Variants in NCOA2 observed in about 807,000 individuals in gnomAD.
NCOA2 encodes the protein nuclear receptor coactivator 2, also known as class E basic helix-loop-helix protein 75.
NCOA2 carries 21 observed loss-of-function variants against 145.1 expected under a neutral mutation model. The observed-to-expected ratio is 0.14, with a 90% CI of 0.10 to 0.21. The LOEUF is 0.21. NCOA2 is among the 10% of genes least tolerant of loss of function. The pLI, the probability that NCOA2 is intolerant of heterozygous loss-of-function variation, is 1.00. For missense variants in NCOA2, 1,472 were observed against 1,837.6 expected, an observed-to-expected ratio of 0.80 and a Z score of 3.64; for synonymous variants, 619 against 637.5, an observed-to-expected ratio of 0.97 and a Z score of 0.44.
At chr8:70,342,533 A>G (rs1044335227) in intron 1 of NCOA2, among the ~76,000 whole-genome samples, 1 of 152,050 alleles carries the variant, frequency 6.6e-6, no homozygotes, top group African/African-American at 2.4e-5. Context: ...TAAATACTTC[A>G]GCTTCCTTCT....
At chr8:70,279,576 G>A (rs1296839606) in intron 2 of NCOA2, among the ~76,000 whole-genome samples, 1 of 152,184 alleles carries the variant, frequency 6.6e-6, no homozygotes, top group Non-Finnish European at 1.5e-5. Flanking sequence ...CAGGTCACAT[G>A]GTTCATGATG....
At chr8:70,431,608 T>A in the NCOA2 span, among the ~76,000 whole-genome samples, 1 of 152,242 alleles carries the variant, frequency 6.6e-6, no homozygotes, top group African/African-American at 2.4e-5. Context: ...CACACTCTCA[T>A]AAAACAAATT....
At chr8:70,406,222 C>T (rs1398401516), upstream of NCOA2, among the ~76,000 whole-genome samples, 1 of 152,176 alleles carries the variant, frequency 6.6e-6, no homozygotes, top group Non-Finnish European at 1.5e-5. Context: ...CTATTCCGAT[C>T]CTCATGTCCT....
At chr8:70,434,110 A>T in the NCOA2 span, among the ~76,000 whole-genome samples, 1 of 152,364 alleles carries the variant, frequency 6.6e-6, no homozygotes, top group East Asian at 1.9e-4. Context: ...ACCAGGGAAG[A>T]TTAAAAGAGA....
chr8:70,266,099 G>A (rs1186946538), intron 2 of NCOA2, among the ~76,000 whole-genome samples: 2 of 152,184 alleles, frequency 1.3e-5, no homozygotes, highest in Non-Finnish European at 2.9e-5. Context: ...GCAGTGAGCC[G>A]AAATCGCGCT....
intron 2 of NCOA2, chr8:70,273,504 C>T: frequency 1.5e-6 from 1 of 667,044 alleles, no homozygotes; most frequent in Non-Finnish European, 2.6e-6. Context: ...CGTCAGTTCT[C>T]CTTAAAGAAG....
At chr8:70,242,990 G>A (rs1475297393) in intron 2 of NCOA2, among the ~76,000 whole-genome samples, 3 of 152,010 alleles carry the variant, frequency 2.0e-5, no homozygotes, top group East Asian at 1.9e-4. Context: ...TTGTTTACAC[G>A]CTACCTGGAC....
At chr8:70,177,112 G>A (rs953286093) in intron 4 of NCOA2, among the ~76,000 whole-genome samples, 4 of 152,144 alleles carry the variant, frequency 2.6e-5, no homozygotes, top group South Asian at 2.1e-4. Context: ...CACAGGGGTC[G>A]CATCAGGGGT....
intron 2 of NCOA2, among the ~76,000 whole-genome samples, chr8:70,284,832 C>G (rs1826127961): frequency 6.7e-6 from 1 of 148,348 alleles, no homozygotes; most frequent in Non-Finnish European, 1.5e-5. Context: ...AGAGAGGAGA[C>G]AGGAGAGAGG....
rs1343026748 is a variant in NCOA2 at position 70,141,276 on chromosome 8, C to A, written c.2936G>T (p.Gly979Val). The A allele has an allele frequency of 6.2e-7, 1 of 1,613,810 alleles. No homozygotes were observed. Among genetic ancestry groups the A allele is most frequent in the Non-Finnish European group, 8.5e-7 (1 of 1,179,876 alleles). ...GCTGGCTGCTGGGTTCCGAATCATA[C>A]CTCCTTGGACTGGCCGGTTCATGGC... Reference protein sequence around the residue: ...TSAMNRPVQGGMIRNPAASIP... With the variant: ...TSAMNRPVQGVMIRNPAASIP... Residue 979 changes from glycine (G) to valine (V), a missense_variant, in exon 14 of 23, where the codon GGT becomes GTT. Physicochemically the swap from Gly to Val is moderately radical, Grantham distance 109. Transcript: ENST00000452400.
chr8:70,126,079 A>G (rs1047628248), intron 19 of NCOA2, among the ~76,000 whole-genome samples: 4 of 152,236 alleles, frequency 2.6e-5, no homozygotes, highest in Non-Finnish European at 5.9e-5. Flanking sequence ...GATTTCGGCA[A>G]CAGACTTCAC....
At chr8:70,390,907 C>T (rs1296746134) in intron 1 of NCOA2, among the ~76,000 whole-genome samples, 5 of 152,164 alleles carry the variant, frequency 3.3e-5, no homozygotes, top group Non-Finnish European at 7.3e-5. Flanking sequence ...CTACTACATA[C>T]CTATGAATGA....
intron 1 of NCOA2, among the ~76,000 whole-genome samples, chr8:70,397,227 G>A (rs1240181841): frequency 6.6e-6 from 1 of 152,168 alleles, no homozygotes; most frequent in Non-Finnish European, 1.5e-5. Context: ...GTGAGGCTGA[G>A]GCAGGCAGGA....
intron 2 of NCOA2, among the ~76,000 whole-genome samples, chr8:70,255,313 CAGG>C (rs1254302036): frequency 6.6e-6 from 1 of 152,106 alleles, no homozygotes; most frequent in Non-Finnish European, 1.5e-5. Context: ...ACTTAAAAAA[CAGG>C]AGATCAGAAT....
chr8:70,150,251 A>G (rs1339278971), intron 11 of NCOA2, among the ~76,000 whole-genome samples: 1 of 152,256 alleles, frequency 6.6e-6, no homozygotes, highest in African/African-American at 2.4e-5. Context: ...GTTATGAATT[A>G]AGAGCTGGGT....
At chr8:70,351,720 G>A (rs1356049068) in intron 1 of NCOA2, among the ~76,000 whole-genome samples, 1 of 148,170 alleles carries the variant, frequency 6.7e-6, no homozygotes, top group Non-Finnish European at 1.5e-5. Flanking sequence ...AGAGTAGCTA[G>A]GACTATAGGC....
chr8:70,317,970 C>G (rs1805741592), intron 1 of NCOA2, among the ~76,000 whole-genome samples: 1 of 152,166 alleles, frequency 6.6e-6, no homozygotes, highest in South Asian at 2.1e-4. Context: ...TTGTTTATTG[C>G]CACTTTTAAG....
At chr8:70,236,679 AAAC>A (rs1386585586) in intron 2 of NCOA2, among the ~76,000 whole-genome samples, 1 of 152,178 alleles carries the variant, frequency 6.6e-6, no homozygotes, top group Non-Finnish European at 1.5e-5. Flanking sequence ...TAAAAGAAAA[AAAC>A]AACAATAAAA....
chr8:70,174,917 C>A, intron 4 of NCOA2, 58 bp from the exon 5 acceptor site: 2 of 1,474,822 alleles, frequency 1.4e-6, no homozygotes, highest in Non-Finnish European at 1.9e-6. Flanking sequence ...CAGAGTGACA[C>A]AGAAATGTTT....
Sources: allele counts gnomAD v4.1 joint callset (sites outside exome capture counted in the v4.1 genomes callset), GRCh38; gene constraint gnomAD v4.1.1; transcripts MANE v1.5; gene names NCBI Gene and HGNC (gene_info 2026-07-23, HGNC 2026-07-21).